The following FMR1 variants were observed in gnomAD, a reference collection of about 807,000 sequenced individuals.
The protein encoded by FMR1 is fragile X messenger ribonucleoprotein 1, also known as FMRP translational regulator 1.
Under a neutral mutation model 50.6 loss-of-function variants are expected in FMR1, and 13 were observed. The observed-to-expected ratio is 0.26, with a 90% CI of 0.17 to 0.41. The LOEUF (loss-of-function observed/expected upper bound fraction) is 0.41. Ranked by LOEUF, FMR1 falls within the 10% of genes least tolerant of loss-of-function variation. The pLI is 1.00. For synonymous variants in FMR1, 138 were observed against 164.1 expected (o/e 0.84, Z 1.22); for missense variants, 316 against 491.3 (o/e 0.64, Z 3.37).
At chrX:147,941,069 C>A (rs782023090) in intron 13 of FMR1, among the ~76,000 whole-genome samples, 57 of 111,916 alleles carry the variant, frequency 5.1e-4, no homozygotes, top group African/African-American at 1.6e-3. Context: ...TCATGAAGTT[C>A]TTTGTTTAAA....
intron 2 of FMR1, among the ~76,000 whole-genome samples, chrX:147,923,217 A>C (rs1349894857): frequency 8.9e-6 from 1 of 111,972 alleles, no homozygotes; most frequent in Non-Finnish European, 1.9e-5. Flanking sequence ...AAAAGCATCT[A>C]ACCCTATTTC....
chrX:147,917,549 T>C (rs1393768933), intron 1 of FMR1, among the ~76,000 whole-genome samples: 5 of 111,482 alleles, frequency 4.5e-5, no homozygotes, highest in Non-Finnish European at 9.4e-5. Flanking sequence ...CTAAATAACC[T>C]TTTAATATTA....
chrX:147,949,750 T>A lies in FMR1; in HGVS notation c.*906T>A. The A allele has an allele frequency of 3.0e-6, 1 of 329,219 alleles. No homozygotes were observed. The highest frequency in any genetic ancestry group is 3.1e-5 in the Admixed American group (1 of 32,268). The allele number at this position is 329,219 out of a possible 1,213,427, so 27.1% of individuals were successfully genotyped here. A position where few individuals can be genotyped will look rare whatever the true frequency, so the allele number is the denominator to read the frequency against. On this transcript the variant is annotated 3_prime_UTR_variant, in exon 17 of 17. Transcript: ENST00000370475. ...TGGTCGAAAGTTAGTAGGATATGCCTGCTCTTTGGCCTGATGACCAATTTT... is the reference window on the plus strand; with the variant it reads ...TGGTCGAAAGTTAGTAGGATATGCCAGCTCTTTGGCCTGATGACCAATTTT...
chrX:147,940,160 CAAAAAAAAAAAAAAAAAAACAAAAAAGA>C (rs1191188679), intron 12 of FMR1: 1 of 30,512 alleles, frequency 3.3e-5, no homozygotes, highest in Non-Finnish European at 5.5e-5. Flanking sequence ...GACTCCGTCT[CAAAAAAAAAAAAAAAAAAACAAAAAAGA>C]AAAAAAAAAA....
intron 14 of FMR1, 125 bp from the exon 15 acceptor site, chrX:147,944,744 T>C (rs2044116021): frequency 1.8e-6 from 2 of 1,096,438 alleles, no homozygotes; most frequent in South Asian, 2.4e-5. Context: ...GATAATACTC[T>C]TTGTGGGCTT....
chrX:147,942,238 C>T (rs1474249322), intron 13 of FMR1, among the ~76,000 whole-genome samples: 3 of 112,051 alleles, frequency 2.7e-5, no homozygotes, highest in African/African-American at 9.7e-5. Flanking sequence ...TCTATGATAA[C>T]CTCTGCTTCA....
intron 3 of FMR1, 150 bp downstream of exon 3, chrX:147,925,783 A>G (rs1454517459): frequency 2.0e-6 from 1 of 488,930 alleles, no homozygotes; most frequent in Non-Finnish European, 3.7e-6. Context: ...AACTCATCTT[A>G]TTAATAATTC....
intron 8 of FMR1, 34 bp downstream of exon 8, chrX:147,932,629 A>T: frequency 1.7e-6 from 2 of 1,194,194 alleles, no homozygotes; most frequent in Non-Finnish European, 2.3e-6. Context: ...TTTTTTCCCC[A>T]AACAAGTATT....
At chrX:147,938,815 C>G (rs2043879515) in intron 12 of FMR1, among the ~76,000 whole-genome samples, 1 of 111,456 alleles carries the variant, frequency 9.0e-6, no homozygotes, top group African/African-American at 3.3e-5. Flanking sequence ...TGTCTCATTG[C>G]CGGGCAGCCC....
At chrX:147,944,699 T>A in intron 14 of FMR1, 170 bp from the exon 15 acceptor site, 1 of 1,053,500 alleles carries the variant, frequency 9.5e-7, no homozygotes. Flanking sequence ...GCCCTTCATT[T>A]TGAGTTTAAA....
At chrX:147,920,448 A>G (rs1490646829) in intron 1 of FMR1, among the ~76,000 whole-genome samples, 3 of 111,325 alleles carry the variant, frequency 2.7e-5, no homozygotes, top group Non-Finnish European at 5.7e-5. Flanking sequence ...TTATCCTTTA[A>G]GGGGTCAGTA....
At chrX:147,918,714 G>A (rs782792155) in intron 1 of FMR1, among the ~76,000 whole-genome samples, 86 of 110,137 alleles carry the variant, frequency 7.8e-4, no homozygotes, top group African/African-American at 2.6e-3. Flanking sequence ...ATATAGCAAT[G>A]TAGTAATAAG....
At position 147,912,049 on chromosome X, in the gene FMR1, C is replaced by CGCG. The variant is rs193922936; in HGVS notation, c.-102_-100dup. 711 of 41,400 alleles carry CGCG rather than the reference C, an allele frequency of 0.017. 9 individuals carry two copies. Among genetic ancestry groups the CGCG allele is most frequent in the Middle Eastern group, 0.033 (2 of 61 alleles). 3.4% of individuals were successfully genotyped at this position (41,400 alleles called of 1,213,427 possible). On this transcript the variant is annotated 5_prime_UTR_variant, in exon 1 of 17. Transcript: ENST00000370475. The stretch of plus-strand genomic sequence containing the variant: ...GCCGCTGCCAGGGGGCGTGCGGCAG[C>CGCG]GCGGCGGCGGCGGCGGCGGCGGCGG...
rs1449197847 is a variant in FMR1 at position 147,919,535 on chromosome X, TAAGC to T, written c.52-2394_52-2391del. On this transcript the variant is annotated intron_variant, in intron 1 of 16. Transcript: ENST00000370475. ...TCATTTAAATATAGCTGAGTAAAAA[TAAGC>T]AAGATCAAAATGATAAGAAAATGTT... Among the ~76,000 whole-genome samples, 4 of 112,390 alleles carry T rather than the reference TAAGC, an allele frequency of 3.6e-5. No individual in the cohort carries two copies. The East Asian group carries it at 8.3e-4, about 23-fold the overall frequency.
At chrX:147,920,577 A>C (rs1197804090) in intron 1 of FMR1, among the ~76,000 whole-genome samples, 1 of 111,889 alleles carries the variant, frequency 8.9e-6, no homozygotes, top group Non-Finnish European at 1.9e-5. Context: ...TCTATTTGAT[A>C]AGTACTCACT....
chrX:147,928,739 C>T lies in FMR1; in HGVS notation c.351C>T (p.Pro117=), dbSNP rs782492689. 62 of 1,207,699 alleles carry T rather than the reference C, an allele frequency of 5.1e-5. No homozygotes were observed. Among genetic ancestry groups the T allele is most frequent in the Non-Finnish European group, 6.6e-5 (59 of 893,473 alleles). Residue 117 remains proline (P), a synonymous_variant, in exon 5 of 17, where the codon CCC becomes CCT. Transcript: ENST00000370475. The stretch of plus-strand genomic sequence containing the variant: ...TTGAACGTCTAAGATCTGTTAATCC[C>T]AACAAACCTGCCACAAAAGATACTT... The part of the protein sequence containing the change: ...VTIERLRSVN[P]NKPATKDTFH...
At chrX:147,945,078 A>G in intron 15 of FMR1, 27 bp downstream of exon 15, 1 of 1,166,657 alleles carries the variant, frequency 8.6e-7, no homozygotes, top group African/African-American at 1.8e-5. Flanking sequence ...TAAGAAATCA[A>G]AGTGAATTGT....
chrX:147,929,589 A>T (rs931703646), intron 5 of FMR1, among the ~76,000 whole-genome samples: 1 of 109,130 alleles, frequency 9.2e-6, no homozygotes. Flanking sequence ...ACTAAAAATT[A>T]AAAAAAAAGG....
In FMR1 at chrX:147,950,731, T is replaced by C; in HGVS notation, c.*1887T>C. 3.1e-6 allele frequency: 1 copy of C among 323,729 alleles called. No individual in the cohort carries two copies. The highest frequency in any genetic ancestry group is 6.0e-6 in the Non-Finnish European group (1 of 167,704). The allele number at this position is 323,729 out of a possible 1,213,427, so 26.7% of individuals were successfully genotyped here. On this transcript the variant is annotated 3_prime_UTR_variant, in exon 17 of 17. Transcript: ENST00000370475. The stretch of plus-strand genomic sequence containing the variant: ...AAAGTGTTCTGTTACAAAATGTAAC[T>C]GTTACCATTGGAAATTTCACGTCAT...
Sources: gnomAD v4.1 joint callset for allele counts (sites outside exome capture counted in the v4.1 genomes callset) on GRCh38, gnomAD v4.1.1 for gene constraint, MANE v1.5 for transcripts, NCBI Gene and HGNC (gene_info 2026-07-23, HGNC 2026-07-21) for gene names.